Variants in FMN2 observed in about 807,000 individuals in gnomAD.
FMN2 encodes formin 2, also known as formin-2.
Under a neutral mutation model 142.3 loss-of-function variants are expected in FMN2, and 51 were observed. The ratio of observed to expected loss-of-function variants is 0.36; its 90% confidence interval spans 0.29 to 0.45. The LOEUF (loss-of-function observed/expected upper bound fraction) is 0.45. FMN2 is among the 20% of genes least tolerant of loss of function. The pLI is 1.00. For synonymous variants in FMN2, 882 were observed against 869.8 expected, an observed-to-expected ratio of 1.01 and a Z score of -0.25; for missense variants, 1,936 against 2,122.8, an observed-to-expected ratio of 0.91 and a Z score of 1.73.
chr1:240,121,358 A>G (rs1457403926), intron 1 of FMN2, among the ~76,000 whole-genome samples: 1 of 150,994 alleles, frequency 6.6e-6, no homozygotes, highest in Non-Finnish European at 1.5e-5. Flanking sequence ...ATCCTCAGCC[A>G]GTGTCTTATT....
intron 14 of FMN2, among the ~76,000 whole-genome samples, chr1:240,382,832 A>G (rs905045101): frequency 2.0e-5 from 3 of 152,162 alleles, no homozygotes; most frequent in Admixed American, 6.5e-5. Context: ...AGAAAAAAAA[A>G]CAGGCATCAC....
intron 15 of FMN2, among the ~76,000 whole-genome samples, chr1:240,419,044 G>T (rs1674677285): frequency 6.6e-6 from 1 of 152,188 alleles, no homozygotes; most frequent in African/African-American, 2.4e-5. Context: ...CGAGGCGGAG[G>T]TTGCAGTGAG....
chr1:240,100,452 A>C (rs1325296848), intron 1 of FMN2, among the ~76,000 whole-genome samples: 4 of 152,220 alleles, frequency 2.6e-5, no homozygotes, highest in African/African-American at 9.7e-5. Context: ...GTGACAGTAG[A>C]AACTTTCTAA....
rs529889066 is a variant in FMN2, at chr1:240,133,603, C to T, written c.1782+10258C>T. On this transcript the variant is annotated intron_variant, in intron 2 of 17. Coordinates refer to ENST00000319653, the MANE Select transcript of FMN2 (RefSeq NM_020066.5). ...CTTTCCTTTCCAAACTCTTTTGCCA[C>T]GCTGAAGTGTTATTGATTTTCCTAA... Among the ~76,000 whole-genome samples the T allele has an allele frequency of 6.6e-5, 10 of 152,286 alleles. No homozygotes were observed. In the East Asian group the frequency reaches 7.7e-4, roughly 12 times the overall value.
chr1:240,368,906 T>C (rs1672768751), intron 14 of FMN2, among the ~76,000 whole-genome samples: 1 of 151,536 alleles, frequency 6.6e-6, no homozygotes, highest in African/African-American at 2.4e-5. Flanking sequence ...CTTGGATATA[T>C]TGACACAGTT....
intron 16 of FMN2, among the ~76,000 whole-genome samples, chr1:240,468,204 A>ATGTGTGTG (rs1379393586): frequency 3.3e-5 from 3 of 90,516 alleles, no homozygotes; most frequent in African/African-American, 2.2e-4. Context: ...AAATATATAT[A>ATGTGTGTG]TATGTGTGTG....
chr1:240,329,850 G>C (rs1671321423), intron 10 of FMN2, among the ~76,000 whole-genome samples: 1 of 151,494 alleles, frequency 6.6e-6, no homozygotes, highest in African/African-American at 2.4e-5. Context: ...TCCACAAACT[G>C]TTAATAATTA....
At chr1:240,417,975 T>G (rs2103136283) in intron 15 of FMN2, among the ~76,000 whole-genome samples, 2 of 152,218 alleles carry the variant, frequency 1.3e-5, no homozygotes, top group Middle Eastern at 6.8e-3. Flanking sequence ...TTATTGTCAT[T>G]AATACACTTC....
At chr1:240,094,294 G>A (rs1400263556) in intron 1 of FMN2, among the ~76,000 whole-genome samples, 2 of 152,232 alleles carry the variant, frequency 1.3e-5, no homozygotes, top group East Asian at 1.9e-4. Context: ...GAAGTTAAGC[G>A]GTCACTCACT....
intron 15 of FMN2, among the ~76,000 whole-genome samples, chr1:240,412,818 A>G (rs1007433930): frequency 6.6e-6 from 1 of 152,008 alleles, no homozygotes; most frequent in Non-Finnish European, 1.5e-5. Flanking sequence ...GGTGAAAGCC[A>G]TGCTTTGATT....
At chr1:240,305,525 C>T (rs1270600505) in intron 8 of FMN2, among the ~76,000 whole-genome samples, 2 of 152,138 alleles carry the variant, frequency 1.3e-5, no homozygotes, top group African/African-American at 4.8e-5. Context: ...TGTGCAGAGC[C>T]ATAATGTATG....
chr1:240,098,650 A>G (rs1228532536), intron 1 of FMN2, among the ~76,000 whole-genome samples: 1 of 152,166 alleles, frequency 6.6e-6, no homozygotes, highest in African/African-American at 2.4e-5. Context: ...GGTTCCATAT[A>G]TCAGAGAAGA....
At chr1:240,427,775 G>A (rs182791818) in intron 15 of FMN2, among the ~76,000 whole-genome samples, 3 of 152,214 alleles carry the variant, frequency 2.0e-5, no homozygotes, top group East Asian at 3.9e-4. Context: ...CTAGATACTC[G>A]ATCAGCTTCA....
chr1:240,263,028 G>A (rs1381753456), intron 7 of FMN2, among the ~76,000 whole-genome samples: 1 of 151,886 alleles, frequency 6.6e-6, no homozygotes, highest in African/African-American at 2.4e-5. Context: ...CAAAGTGCTG[G>A]GATTACAGGC....
intron 8 of FMN2, among the ~76,000 whole-genome samples, chr1:240,315,324 A>G (rs1008277912): frequency 6.6e-6 from 1 of 152,212 alleles, no homozygotes; most frequent in African/African-American, 2.4e-5. Context: ...ATGAACAGTA[A>G]AAACATTTGA....
At chr1:240,262,392 A>C (rs1057371624) in intron 7 of FMN2, among the ~76,000 whole-genome samples, 1 of 152,136 alleles carries the variant, frequency 6.6e-6, no homozygotes, top group Admixed American at 6.6e-5. Context: ...AACATGTTTT[A>C]CTCAGCATTT....
chr1:240,143,868 C>G (rs925782598), intron 2 of FMN2: 117 of 1,586,034 alleles, frequency 7.4e-5, no homozygotes, highest in Non-Finnish European at 9.8e-5. Flanking sequence ...TCTCCCATCA[C>G]AGGCAGCAGC....
chr1:240,267,091 A>G (rs1558402371), intron 7 of FMN2, among the ~76,000 whole-genome samples: 1 of 152,162 alleles, frequency 6.6e-6, no homozygotes, highest in South Asian at 2.1e-4. Context: ...ACAAAAATTG[A>G]CAAGTGGAAC....
intron 8 of FMN2, among the ~76,000 whole-genome samples, chr1:240,324,990 A>G (rs959222921): frequency 9.9e-5 from 15 of 152,176 alleles, no homozygotes; most frequent in Admixed American, 3.3e-4. Context: ...TTCAAAATGC[A>G]TGGATTCAGG....
Sources: gnomAD v4.1 joint callset for allele counts (sites outside exome capture counted in the v4.1 genomes callset) on GRCh38, gnomAD v4.1.1 for gene constraint, MANE v1.5 for transcripts, NCBI Gene and HGNC (gene_info 2026-07-23, HGNC 2026-07-21) for gene names.